Variants in DIS3L2 observed in about 807,000 individuals in gnomAD.
DIS3L2 encodes DIS3-like exonuclease 2.
In DIS3L2, 34 loss-of-function variants were observed where a neutral mutation model predicts 97.5. The ratio of observed to expected loss-of-function variants is 0.35; its 90% CI spans 0.27 to 0.46. DIS3L2 has a LOEUF of 0.46. Ranked by LOEUF, DIS3L2 falls within the 20% of genes least tolerant of loss-of-function variation. The pLI is 1.00. For missense variants in DIS3L2, 1,038 were observed against 1,146.0 expected (o/e 0.91, Z 1.36); for synonymous variants, 435 against 445.2 (o/e 0.98, Z 0.29).
intron 1 of DIS3L2, among the ~76,000 whole-genome samples, chr2:231,978,014 G>A (rs1574780723): frequency 6.6e-6 from 1 of 152,142 alleles, no homozygotes; most frequent in Non-Finnish European, 1.5e-5. Context: ...GATGAAAATC[G>A]AGGTTTTTGT....
In DIS3L2 at chr2:232,022,720, CTGTT is replaced by C. The variant is rs1267884161; in HGVS notation, c.211-1556_211-1553del. ...TAAGCTCTGTGATGGTAGAGACTGT[CTGTT>C]GTTAGTCTCCCTTGTACCCCGTCAT... On this transcript the variant is annotated intron_variant, in intron 3 of 20. Transcript: ENST00000325385. 2.0e-5 allele frequency among the ~76,000 whole-genome samples: 3 copies of C among 152,234 alleles called. No individual in the cohort carries two copies. The East Asian group carries it at 5.8e-4, about 29-fold the overall frequency.
Position 232,163,637 on chromosome 2 carries a change from G to A in DIS3L2, c.1124+5G>A. The A allele has an allele frequency of 6.2e-7, 1 of 1,612,418 alleles. No individual in the cohort carries two copies. The highest frequency in any genetic ancestry group is 8.5e-7 in the Non-Finnish European group (1 of 1,179,708). On this transcript the variant is annotated splice_donor_5th_base_variant and intron_variant, in intron 9 of 20. Transcript: ENST00000325385. ...CAGCAAGAGAAGGGATTTAAGGTAA[G>A]CACCTGAAACCCTTTAAGAACGTAT...
rs139327922 is a variant in DIS3L2 at position 232,014,327 on chromosome 2, T to C, written c.-93-508T>C. On this transcript the variant is annotated intron_variant, in intron 1 of 20. Transcript: ENST00000325385. ...ATCATCTGGGGCTCCCTGCATAGTT[T>C]GGGACGTCAAGTTGTGACAATGAAT... 2.1e-3 allele frequency among the ~76,000 whole-genome samples: 317 copies of C among 152,318 alleles called. 2 individuals are homozygous for C. The highest frequency in any genetic ancestry group is 7.4e-3 in the African/African-American group (309 of 41,562).
chr2:232,071,414 C>T lies in DIS3L2; in HGVS notation c.367-16073C>T, dbSNP rs187018628. 2.8e-3 allele frequency among the ~76,000 whole-genome samples: 430 copies of T among 151,586 alleles called. 1 individual carries two copies. The highest frequency in any genetic ancestry group is 4.7e-3 in the Non-Finnish European group (318 of 67,900). On this transcript the variant is annotated intron_variant, in intron 5 of 20. Transcript: ENST00000325385. ...GTGTATGCTGGTAGTCCCAGCTGTT[C>T]GGGAGGCTGAGGTGGGAGGATAGCT...
chr2:232,166,516 G>C lies in DIS3L2; in HGVS notation c.1124+2884G>C, dbSNP rs554153585. Among the ~76,000 whole-genome samples the C allele has an allele frequency of 2.4e-3, 359 of 152,264 alleles. 1 individual carries two copies. The highest frequency in any genetic ancestry group is 0.014 in the Middle Eastern group (4 of 294). ...GGAGGCTGGCAGATCATGAGATCGA[G>C]ACCATCCTGGCCAACATGGTGAAAC... On this transcript the variant is annotated intron_variant, in intron 9 of 20. Transcript: ENST00000325385.
intron 9 of DIS3L2, among the ~76,000 whole-genome samples, chr2:232,195,649 G>A (rs2106200923): frequency 6.6e-6 from 1 of 152,194 alleles, no homozygotes; most frequent in African/African-American, 2.4e-5. Context: ...ATGGTGTCTT[G>A]CTGTGTTGCC....
intron 10 of DIS3L2, among the ~76,000 whole-genome samples, chr2:232,213,725 A>T (rs1356038226): frequency 1.7e-5 from 2 of 117,198 alleles, no homozygotes; most frequent in Admixed American, 2.0e-4. Context: ...CATTAAAATT[A>T]TCTGAATGAC....
exon 14 of DIS3L2, chr2:232,343,758 T>C: frequency 1.6e-6 from 1 of 627,664 alleles, no homozygotes; most frequent in Non-Finnish European, 2.8e-6. Context: ...TGCTATACCC[T>C]CTTCAGCCTT....
intron 5 of DIS3L2, among the ~76,000 whole-genome samples, chr2:232,074,242 A>G (rs555709806): frequency 1.6e-4 from 24 of 152,286 alleles, no homozygotes; most frequent in Admixed American, 5.9e-4. Flanking sequence ...ATTGTTGACT[A>G]TTTCCTGGTT....
intron 9 of DIS3L2, among the ~76,000 whole-genome samples, chr2:232,166,250 CTCTG>C (rs1455114439): frequency 3.9e-5 from 6 of 152,048 alleles, no homozygotes; most frequent in African/African-American, 1.2e-4. Context: ...CGGAGCAAGA[CTCTG>C]TCTAAGGGAA....
chr2:232,086,605 G>GTA (rs1696630690), intron 5 of DIS3L2, among the ~76,000 whole-genome samples: 1 of 49,520 alleles, frequency 2.0e-5, no homozygotes, highest in East Asian at 7.2e-4. Context: ...ATATATATGT[G>GTA]TGTGTGTGTA....
At chr2:232,126,792 C>A (rs1559655650) in intron 6 of DIS3L2, among the ~76,000 whole-genome samples, 1 of 152,158 alleles carries the variant, frequency 6.6e-6, no homozygotes, top group African/African-American at 2.4e-5. Context: ...CGTTATTTCC[C>A]CCCTATTCTA....
At chr2:232,262,584 A>G (rs1693739455) in intron 12 of DIS3L2, among the ~76,000 whole-genome samples, 1 of 152,216 alleles carries the variant, frequency 6.6e-6, no homozygotes, top group Non-Finnish European at 1.5e-5. Flanking sequence ...GGCCAGGGAT[A>G]CTGCTGAACA....
chr2:232,108,034 A>G (rs995555072), intron 6 of DIS3L2, among the ~76,000 whole-genome samples: 3 of 152,206 alleles, frequency 2.0e-5, no homozygotes, highest in Non-Finnish European at 2.9e-5. Flanking sequence ...TTATTGTATG[A>G]GTCCAGCATC....
rs150778427 is a variant in DIS3L2, at chr2:232,030,204, T to C, written c.366+124T>C. The C allele has an allele frequency of 1.6e-4, 119 of 763,390 alleles. 1 individual carries two copies. In the African/African-American group the frequency reaches 1.9e-3, roughly 12 times the overall value. The allele number at this position is 763,390 out of a possible 1,614,324, so 47.3% of individuals were successfully genotyped here. ...CCTTAGGCGCTGTGATAAGATGGGGTGTAATCTTGGAAGCATGCTACCGAA... is the reference window on the plus strand; with the variant it reads ...CCTTAGGCGCTGTGATAAGATGGGGCGTAATCTTGGAAGCATGCTACCGAA... On this transcript the variant is annotated intron_variant, in intron 5 of 20. Coordinates refer to ENST00000325385, the MANE Select transcript of DIS3L2 (RefSeq NM_152383.5).
intron 14 of DIS3L2, among the ~76,000 whole-genome samples, chr2:232,318,284 C>T (rs190573567): frequency 1.3e-5 from 2 of 152,350 alleles, no homozygotes; most frequent in East Asian, 1.9e-4. Flanking sequence ...AGAAAACGAC[C>T]CCTAGGAAAG....
chr2:232,167,001 C>T (rs949087718), intron 9 of DIS3L2, among the ~76,000 whole-genome samples: 7 of 148,516 alleles, frequency 4.7e-5, no homozygotes, highest in South Asian at 2.1e-4. Flanking sequence ...CGATAGAGTG[C>T]GTCTCAGTCA....
intron 5 of DIS3L2, among the ~76,000 whole-genome samples, chr2:232,031,704 A>T (rs542025072): frequency 2.6e-5 from 4 of 151,844 alleles, no homozygotes; most frequent in Admixed American, 2.6e-4. Flanking sequence ...CACTGTGCCC[A>T]TATGTTCTCA....
Position 232,281,849 on chromosome 2 carries a change from C to CCA in DIS3L2, c.1660-18188_1660-18187dup. Among the ~76,000 whole-genome samples, 1 of 152,156 alleles carries CCA rather than the reference C, an allele frequency of 6.6e-6. No individual in the cohort carries two copies. The highest frequency in any genetic ancestry group is 1.5e-5 in the Non-Finnish European group (1 of 68,016). On this transcript the variant is annotated intron_variant, in intron 13 of 20. Coordinates refer to ENST00000325385, the MANE Select transcript of DIS3L2 (RefSeq NM_152383.5). This position sits in a 1 kb window ranked among gnomAD's most constrained non-coding sequence, Gnocchi z 4.1. Reference sequence around the variant, plus strand: ...AGTCTGCTGCTCCTCTTCTACCTTGCCACAGGCTGCTGCCTCTGAGTTAAA... The same window carrying CCA: ...AGTCTGCTGCTCCTCTTCTACCTTGCCACACAGGCTGCTGCCTCTGAGTTAAA...
Sources: gnomAD v4.1 joint callset for allele counts (sites outside exome capture counted in the v4.1 genomes callset) on GRCh38, gnomAD v4.1.1 for gene constraint, Gnocchi (gnomAD v3.1) non-coding constraint, MANE v1.5 for transcripts, NCBI Gene and HGNC (gene_info 2026-07-23, HGNC 2026-07-21) for gene names.